The following RSRP1 variants were observed in gnomAD, a reference collection of about 807,000 sequenced individuals.
RSRP1 encodes the protein arginine/serine-rich protein 1.
RSRP1 carries 37 observed loss-of-function variants against 33.0 expected under a neutral mutation model. That is an observed-to-expected ratio of 1.12 (90% CI 0.86 to 1.48). The LOEUF is 1.48. Ranked by LOEUF, RSRP1 falls within the 40% of genes most tolerant of loss-of-function variation. The probability of loss-of-function intolerance (pLI) is 0.00; values close to 1 mark genes in which losing one functional copy is unlikely to be tolerated. For synonymous variants in RSRP1, 167 were observed against 158.7 expected, an observed-to-expected ratio of 1.05 and a Z score of -0.40; for missense variants, 402 against 385.3, an observed-to-expected ratio of 1.04 and a Z score of -0.36.
chr1:25,328,998 C>G (rs764932087), intron 1 of RSRP1: 1 of 1,375,126 alleles, frequency 7.3e-7, no homozygotes, highest in Non-Finnish European at 1.0e-6. Context: ...TGCATTTGTA[C>G]GTGAGAAACG....
At chr1:25,311,261 G>A (rs1180974741) in intron 1 of RSRP1, among the ~76,000 whole-genome samples, 1 of 132,004 alleles carries the variant, frequency 7.6e-6, no homozygotes, top group East Asian at 2.0e-4. Context: ...GTCATTTATG[G>A]AAGGCAGAAA....
rs1432041494 is a variant in RSRP1 at position 25,329,144 on chromosome 1, C to A, written c.-67+8834G>T. 10 of 1,087,944 alleles carry A rather than the reference C, an allele frequency of 9.2e-6. 1 individual carries two copies. The highest frequency in any genetic ancestry group is 1.3e-5 in the Non-Finnish European group (10 of 740,918). 67.4% of individuals were successfully genotyped at this position (1,087,944 alleles called of 1,614,324 possible). A position where few individuals can be genotyped will look rare whatever the true frequency, so the allele number is the denominator to read the frequency against. On this transcript the variant is annotated intron_variant, in intron 1 of 1. Coordinates refer to the RSRP1 transcript ENST00000561867. ...TGTAGAATACAACAATAAAATACAGCCATGTACCACATAACAACATCTTGG... is the reference window on the plus strand; with the variant it reads ...TGTAGAATACAACAATAAAATACAGACATGTACCACATAACAACATCTTGG...
rs557746335 is a variant in RSRP1 at position 25,276,532 on chromosome 1, TA to T, written c.-66-29504del. The stretch of plus-strand genomic sequence containing the variant: ...ACATAGGGAGACCCCCCCCCATCTC[TA>T]AAAAAAAAAAAAAAAAAAAAAACTT... On this transcript the variant is annotated intron_variant, in intron 1 of 1. Transcript: ENST00000561867. Among the ~76,000 whole-genome samples, 416 of 64,748 alleles carry T rather than the reference TA, an allele frequency of 6.4e-3. 33 individuals are homozygous for T. The highest frequency in any genetic ancestry group is 0.011 in the Admixed American group (75 of 6,772). 42.5% of individuals were successfully genotyped at this position (64,748 alleles called of 152,430 possible).
At chr1:25,245,049 C>T (rs1242376554) in intron 3 of RSRP1, 101 bp downstream of exon 3, 2 of 1,607,290 alleles carry the variant, frequency 1.2e-6, no homozygotes, top group Non-Finnish European at 1.7e-6. Flanking sequence ...TTATATACAT[C>T]TCTAGACTTC....
intron 1 of RSRP1, among the ~76,000 whole-genome samples, chr1:25,262,967 A>C (rs1217552090): frequency 2.6e-5 from 4 of 152,204 alleles, no homozygotes; most frequent in Admixed American, 6.5e-5. Context: ...TAATCCAGTC[A>C]AGCTGACACC....
At chr1:25,246,117 C>A in intron 2 of RSRP1, 1 of 283,610 alleles carries the variant, frequency 3.5e-6, no homozygotes, top group East Asian at 6.3e-5. Flanking sequence ...TAAAAGAAGG[C>A]GTGTTTTGAT....
chr1:25,271,521 A>G lies in RSRP1; in HGVS notation c.-66-24492T>C, dbSNP rs1343371853. 7.6e-5 allele frequency among the ~76,000 whole-genome samples: 10 copies of G among 130,724 alleles called. 3 individuals are homozygous for G. Among genetic ancestry groups the G allele is most frequent in the Non-Finnish European group, 1.8e-4 (10 of 55,100 alleles). 85.8% of individuals were successfully genotyped at this position (130,724 alleles called of 152,430 possible). ...TGGGACCATTGTAGAAAATAAGGAAACTCCAATTCCTTCCTTCTTTTCTTC... is the reference window on the plus strand; with the variant it reads ...TGGGACCATTGTAGAAAATAAGGAAGCTCCAATTCCTTCCTTCTTTTCTTC... On this transcript the variant is annotated intron_variant, in intron 1 of 1. Coordinates refer to the RSRP1 transcript ENST00000561867.
Position 25,333,023 on chromosome 1 carries a change from C to T in RSRP1, c.-67+4955G>A, listed in dbSNP as rs1481101018. On this transcript the variant is annotated intron_variant, in intron 1 of 1. Coordinates refer to the RSRP1 transcript ENST00000561867. ...AAAGGCCTTAGAACCCCAGCGGTGA[C>T]GGAAAGGCTGGTGTAGGTCCTGGCG... Among the ~76,000 whole-genome samples the T allele has an allele frequency of 3.8e-5, 5 of 131,518 alleles. 2 individuals are homozygous for T. Among genetic ancestry groups the T allele is most frequent in the Middle Eastern group, 4.1e-3 (1 of 242 alleles). The allele number at this position is 131,518 out of a possible 152,430, so 86.3% of individuals were successfully genotyped here.
At chr1:25,263,858 G>A (rs1640235275) in intron 1 of RSRP1, among the ~76,000 whole-genome samples, 1 of 152,058 alleles carries the variant, frequency 6.6e-6, no homozygotes, top group Admixed American at 6.6e-5. Flanking sequence ...GATACAATGG[G>A]GGTACAGGCA....
intron 1 of RSRP1, among the ~76,000 whole-genome samples, chr1:25,287,630 GTTGT>G (rs1374397817): frequency 7.4e-6 from 1 of 135,526 alleles, no homozygotes; most frequent in Non-Finnish European, 1.8e-5. Context: ...ATTCAACGTT[GTTGT>G]TTGTTTTCCT....
At chr1:25,319,767 C>A (rs150816751) in intron 1 of RSRP1, among the ~76,000 whole-genome samples, 1,911 of 132,612 alleles carry the variant, frequency 0.014, 302 homozygotes, top group African/African-American at 0.044. Context: ...TCCTATCAAG[C>A]ATAGTTATTG....
upstream of RSRP1, among the ~76,000 whole-genome samples, chr1:25,252,063 G>C (rs138434084): frequency 1.8e-4 from 27 of 150,028 alleles, no homozygotes; most frequent in East Asian, 5.2e-3. Flanking sequence ...GCTAATTTTT[G>C]TTGCTGTTGT....
In RSRP1 at chr1:25,301,001, T is replaced by C. The variant is rs149700508; in HGVS notation, c.-67+36977A>G. 5.8e-6 allele frequency: 8 copies of C among 1,376,048 alleles called. 1 individual carries two copies. The African/African-American group carries it at 1.0e-4, about 18-fold the overall frequency. The allele number at this position is 1,376,048 out of a possible 1,614,324, so 85.2% of individuals were successfully genotyped here. A position where few individuals can be genotyped will look rare whatever the true frequency, so the allele number is the denominator to read the frequency against. On this transcript the variant is annotated intron_variant, in intron 1 of 1. Coordinates refer to the RSRP1 transcript ENST00000561867. ...TACGTGTTCGCAGCCTATTTTGGGC[T>C]GTCTGTGGCCTGGTGCCTGCCAAAG...
intron 1 of RSRP1, among the ~76,000 whole-genome samples, chr1:25,283,127 T>A (rs533218717): frequency 7.5e-6 from 1 of 132,530 alleles, no homozygotes; most frequent in South Asian, 2.3e-4. Context: ...TCTGGCAACC[T>A]AATGAAGGAG....
At position 25,321,934 on chromosome 1, in the gene RSRP1, A is replaced by C. The variant is rs1644733477; in HGVS notation, c.-67+16044T>G. The C allele has an allele frequency of 2.2e-6, 3 of 1,337,284 alleles. 1 individual carries two copies. The highest frequency in any genetic ancestry group is 3.2e-6 in the Non-Finnish European group (3 of 941,654). 82.8% of individuals were successfully genotyped at this position (1,337,284 alleles called of 1,614,324 possible). On this transcript the variant is annotated intron_variant, in intron 1 of 1. Coordinates refer to the RSRP1 transcript ENST00000561867. ...ATATGGAAAGCACCTCATGAGGCTA[A>C]ATATTTTGATGACCAAGTTTTCTGG...
chr1:25,337,012 G>A (rs1474655445), intron 1 of RSRP1: 1 of 154,050 alleles, frequency 6.5e-6, no homozygotes, highest in Non-Finnish European at 1.5e-5. Context: ...ATGAACCTGT[G>A]CGTATCTCTT....
At chr1:25,243,296 C>G (rs1030420267) in intron 4 of RSRP1, among the ~76,000 whole-genome samples, 2 of 151,942 alleles carry the variant, frequency 1.3e-5, no homozygotes, top group African/African-American at 4.8e-5. Flanking sequence ...AAAGATTTCC[C>G]TTTAAAATAT....
At chr1:25,282,654 A>G (rs3866916) in intron 1 of RSRP1, among the ~76,000 whole-genome samples, 27,697 of 131,286 alleles carry the variant, frequency 0.21, 7,746 homozygotes, top group Admixed American at 0.29. Flanking sequence ...GCTGGGCACG[A>G]TGGCTCATGC....
At position 25,308,354 on chromosome 1, in the gene RSRP1, C is replaced by G. The variant is rs1643959413; in HGVS notation, c.-67+29624G>C. Among the ~76,000 whole-genome samples, 2 of 113,480 alleles carry G rather than the reference C, an allele frequency of 1.8e-5. 1 individual carries two copies. The highest frequency in any genetic ancestry group is 4.1e-5 in the Non-Finnish European group (2 of 48,326). The allele number at this position is 113,480 out of a possible 152,430, so 74.4% of individuals were successfully genotyped here. On this transcript the variant is annotated intron_variant, in intron 1 of 1. Coordinates refer to the RSRP1 transcript ENST00000561867. ...GCCCTACCTACGGCCCCACCCCAGA[C>G]CTACCCAGTTAGAAATCTGGGGGTG... is the stretch of plus-strand genomic sequence containing the variant.
Sources: gnomAD v4.1 joint callset for allele counts (sites outside exome capture counted in the v4.1 genomes callset) on GRCh38, gnomAD v4.1.1 for gene constraint, MANE v1.5 for transcripts, NCBI Gene and HGNC (gene_info 2026-07-23, HGNC 2026-07-21) for gene names.